ELN: variants seen among roughly 807,000 people sequenced by gnomAD.
ELN encodes the protein elastin.
A neutral mutation model predicts 105.8 loss-of-function variants in ELN; 65 were observed. That is an observed-to-expected ratio of 0.61 (90% CI 0.50 to 0.75). ELN has a LOEUF of 0.75. Ranked by LOEUF, ELN falls within the 30% of genes least tolerant of loss-of-function variation. ELN has a pLI of 0.00. For missense variants in ELN, 882 were observed against 969.4 expected (o/e 0.91, Z 1.20); for synonymous variants, 368 against 389.2 (o/e 0.95, Z 0.64).
chr7:74,030,885 G>A (rs1213570054), intron 1 of ELN, among the ~76,000 whole-genome samples: 7 of 152,256 alleles, frequency 4.6e-5, no homozygotes, highest in South Asian at 2.1e-4. Flanking sequence ...TTTAGAGGTC[G>A]ATCCCGCTCT....
At chr7:74,037,637 T>A (rs1790277501) in intron 3 of ELN, 70 bp from the exon 4 acceptor site, 3 of 1,576,096 alleles carry the variant, frequency 1.9e-6, no homozygotes, top group Non-Finnish European at 2.6e-6. Context: ...TTTGCCCGGG[T>A]TGGGGGTTGG....
intron 17 of ELN, 74 bp downstream of exon 17, chr7:74,052,057 CA>C: frequency 6.4e-7 from 1 of 1,569,708 alleles, no homozygotes; most frequent in South Asian, 1.1e-5. Context: ...GCCGCAAAGC[CA>C]GATGGACTTG....
chr7:74,042,916 T>G, intron 6 of ELN, 68 bp from the exon 7 acceptor site: 2 of 1,611,674 alleles, frequency 1.2e-6, no homozygotes, highest in Non-Finnish European at 8.5e-7. Context: ...GCCCTCAGCA[T>G]GCAGCCCCGG....
At chr7:74,033,176 G>A (rs873647) in intron 1 of ELN, among the ~76,000 whole-genome samples, 16,717 of 152,226 alleles carry the variant, frequency 0.11, 1,250 homozygotes, top group East Asian at 0.21. Flanking sequence ...TCCCAAGGTC[G>A]CACAGATGGT....
Position 74,066,010 on chromosome 7 carries a change from A to C in ELN, c.2086+13A>C, listed in dbSNP as rs201508033. 1.9e-6 allele frequency: 3 copies of C among 1,613,952 alleles called. No homozygotes were observed. In the African/African-American group the frequency reaches 4.0e-5, roughly 22 times the overall value. On this transcript the variant is annotated intron_variant, in intron 31 of 32. Transcript: ENST00000252034. ...TTCCCACTTGGAGGTAGGGGTGGCC[A>C]GCTCTGCTACGTAGTCCTCAGCTCT...
chr7:74,048,456 A>G (rs1554673875), intron 14 of ELN, 47 bp from the exon 15 acceptor site: 1 of 1,613,548 alleles, frequency 6.2e-7, no homozygotes, highest in Non-Finnish European at 8.5e-7. Context: ...CTCTGGAGAT[A>G]CAGGAGCACT....
chr7:74,059,940 G>C lies in ELN; in HGVS notation c.1469G>C (p.Gly490Ala), dbSNP rs1554682884. ...GGAGTTGGCGTGGCTCCTGGTGTCG[G>C]TGTGGCTCCTGGAGTTGGCTTGGCT... ...APGVGVAPGVGVAPGVGLAPG... is the reference protein window; with the variant it reads ...APGVGVAPGVAVAPGVGLAPG... The change falls in exon 23 of 33, where the codon GGT (glycine) becomes GCT (alanine). Residue 490 changes from glycine (G) to alanine (A), a missense_variant. Physicochemically the swap from Gly to Ala is moderately conservative, Grantham distance 60 (BLOSUM62 0). Transcript: ENST00000252034. 2.5e-6 allele frequency: 4 copies of C among 1,604,534 alleles called. No homozygotes were observed. Among genetic ancestry groups the C allele is most frequent in the Non-Finnish European group, 3.4e-6 (4 of 1,171,740 alleles).
rs574934142 is a variant in ELN, at chr7:74,069,753, AT to A, written c.*1062del. 32 of 225,954 alleles carry A rather than the reference AT, an allele frequency of 1.4e-4. No homozygotes were observed. The highest frequency in any genetic ancestry group is 1.9e-4 in the East Asian group (3 of 15,814). 14.0% of individuals were successfully genotyped at this position (225,954 alleles called of 1,614,324 possible). A position where few individuals can be genotyped will look rare whatever the true frequency, so the allele number is the denominator to read the frequency against. On this transcript the variant is annotated 3_prime_UTR_variant, in exon 33 of 33. Transcript: ENST00000252034. ...TGTGGTTCATTGAAAAAAAAAGATAATTTTTTTTTCTGATCCGGGGAGCTGT... is the reference window on the plus strand; with the variant it reads ...TGTGGTTCATTGAAAAAAAAAGATAATTTTTTTTCTGATCCGGGGAGCTGT...
rs550428734 is a variant in ELN, at chr7:74,044,057, G to A, written c.469+137G>A. 33 of 1,195,738 alleles carry A rather than the reference G, an allele frequency of 2.8e-5. 1 individual carries two copies. In the South Asian group the frequency reaches 3.6e-4, roughly 13 times the overall value. 74.1% of individuals were successfully genotyped at this position (1,195,738 alleles called of 1,614,324 possible). A position where few individuals can be genotyped will look rare whatever the true frequency, so the allele number is the denominator to read the frequency against. On this transcript the variant is annotated intron_variant, in intron 9 of 32. Transcript: ENST00000252034. ...GGCCAGGAGTTTGAGACCAGCCTGG[G>A]CATCATAGTAAGGCCCTCGTCTCTA...
rs111866046 is a variant in ELN, at chr7:74,066,002, G to C, written c.2086+5G>C. On this transcript the variant is annotated splice_donor_5th_base_variant and intron_variant, in intron 31 of 32. Transcript: ENST00000252034. ...CCGGGCAGTTCCCACTTGGAGGTAGGGGTGGCCAGCTCTGCTACGTAGTCC... is the reference window on the plus strand; with the variant it reads ...CCGGGCAGTTCCCACTTGGAGGTAGCGGTGGCCAGCTCTGCTACGTAGTCC... 6,675 of 1,614,062 alleles carry C rather than the reference G, an allele frequency of 4.1e-3. 230 individuals are homozygous for C. In the African/African-American group the frequency reaches 0.076, roughly 18 times the overall value.
chr7:74,036,423 G>A, intron 2 of ELN, 132 bp from the exon 3 acceptor site: 1 of 1,193,434 alleles, frequency 8.4e-7, no homozygotes, highest in Non-Finnish European at 1.2e-6. Context: ...GAAAACCGAG[G>A]CTTGCAGAGA....
chr7:74,036,940 C>T (rs1790094189), intron 3 of ELN, among the ~76,000 whole-genome samples: 1 of 151,988 alleles, frequency 6.6e-6, no homozygotes, highest in South Asian at 2.1e-4. Context: ...CCTCCCTCAG[C>T]CTCCCAATTA....
intron 15 of ELN, 152 bp downstream of exon 15, chr7:74,048,708 A>C: frequency 2.4e-6 from 2 of 840,210 alleles, no homozygotes; most frequent in Non-Finnish European, 3.8e-6. Context: ...CCTCCCTCCA[A>C]CCATTCTTCC....
At position 74,059,906 on chromosome 7, in the gene ELN, G is replaced by A. The variant is rs925528680; in HGVS notation, c.1435G>A (p.Val479Met). The change falls in exon 23 of 33, where the codon GTG becomes ATG. Residue 479 changes from valine (V) to methionine (M), a missense_variant. By Grantham distance (21) the Val-to-Met change is conservative. Coordinates refer to ENST00000252034, the MANE Select transcript of ELN (RefSeq NM_000501.4). ...AQFGLVPGVGVAPGVGVAPGV... is the reference protein window; with the variant it reads ...AQFGLVPGVGMAPGVGVAPGV... ...TGCAGGGTTAGTTCCTGGTGTCGGC[G>A]TGGCTCCTGGAGTTGGCGTGGCTCC... 27 of 1,452,240 alleles carry A rather than the reference G, an allele frequency of 1.9e-5. No individual in the cohort carries two copies. Among genetic ancestry groups the A allele is most frequent in the Middle Eastern group, 1.7e-4 (1 of 5,760 alleles). 90.0% of individuals were successfully genotyped at this position (1,452,240 alleles called of 1,614,324 possible).
chr7:74,067,625 C>A (rs1413605647), intron 32 of ELN, among the ~76,000 whole-genome samples: 2 of 151,880 alleles, frequency 1.3e-5, no homozygotes, highest in African/African-American at 4.8e-5. Flanking sequence ...GTAGTCTCAG[C>A]TACTCGGGAG....
chr7:74,048,316 C>G lies in ELN; in HGVS notation c.745+115C>G. On this transcript the variant is annotated intron_variant, in intron 14 of 32. Transcript: ENST00000252034. ...GCAGCAGCCCACCCTGCATCCAGAC[C>G]CTGGTCCAAACCTGGAGCAGGATCC... 3.9e-6 allele frequency: 6 copies of G among 1,542,288 alleles called. 1 individual carries two copies. The South Asian group carries it at 4.5e-5, about 11-fold the overall frequency.
chr7:74,048,373 C>G, intron 14 of ELN, 130 bp from the exon 15 acceptor site: 1 of 1,513,584 alleles, frequency 6.6e-7, no homozygotes, highest in Admixed American at 1.7e-5. Context: ...CCATCAGCCT[C>G]TGCCTACTCT....
At chr7:74,056,556 G>A in intron 20 of ELN, 116 bp from the exon 21 acceptor site, 3 of 1,600,788 alleles carry the variant, frequency 1.9e-6, no homozygotes, top group Admixed American at 1.7e-5. Context: ...GGAGGAGTTG[G>A]GGGAGAAGAA....
chr7:74,066,455 T>C (rs1030430662), intron 31 of ELN, among the ~76,000 whole-genome samples: 7 of 151,944 alleles, frequency 4.6e-5, no homozygotes, highest in African/African-American at 1.2e-4. Context: ...TAATCCCAGC[T>C]ACTCGGGAGG....
Sources: allele counts gnomAD v4.1 joint callset (sites outside exome capture counted in the v4.1 genomes callset), GRCh38; gene constraint gnomAD v4.1.1; transcripts MANE v1.5; gene names NCBI Gene and HGNC (gene_info 2026-07-23, HGNC 2026-07-21).